SEC14L2: variants seen among roughly 807,000 people sequenced by gnomAD.
The protein encoded by SEC14L2 is SEC14 like lipid binding 2, also known as SEC14-like protein 2.
In SEC14L2, 50 loss-of-function variants were observed where a neutral mutation model predicts 56.9. The observed-to-expected ratio is 0.88, with a 90% CI of 0.70 to 1.11. SEC14L2 has a LOEUF of 1.11. Ranked by LOEUF, SEC14L2 falls within the 50% of genes most tolerant of loss-of-function variation. The pLI is 0.00. For synonymous variants in SEC14L2, 179 were observed against 188.5 expected, an observed-to-expected ratio of 0.95 and a Z score of 0.41; for missense variants, 414 against 500.7, an observed-to-expected ratio of 0.83 and a Z score of 1.65.
At position 30,410,668 on chromosome 22, in the gene SEC14L2, T is replaced by C. The variant is rs528880393; in HGVS notation, c.653T>C (p.Met218Thr). ...AGTGAGGACACTCGTAAGAAGATCATGGTCCTGGGAGGTAAGTGGTCCAGA... is the reference window on the plus strand; with the variant it reads ...AGTGAGGACACTCGTAAGAAGATCACGGTCCTGGGAGGTAAGTGGTCCAGA... The part of the protein sequence containing the change: ...FLSEDTRKKI[M>T]VLGANWKEVL... The change falls in exon 8 of 12, where the codon ATG (methionine) becomes ACG (threonine). Residue 218 changes from methionine (M) to threonine (T), a missense_variant. Met to Thr is a moderately conservative substitution (Grantham distance 81, BLOSUM62 -1). Transcript: ENST00000615189. 8.5e-5 allele frequency: 137 copies of C among 1,614,106 alleles called. 1 individual carries two copies. The South Asian group carries it at 1.4e-3, about 16-fold the overall frequency.
rs1276679024 is a variant in SEC14L2, at chr22:30,422,536, C to G, written c.*129C>G. The G allele has an allele frequency of 1.7e-6, 2 of 1,189,710 alleles. No individual in the cohort carries two copies. Among genetic ancestry groups the G allele is most frequent in the Non-Finnish European group, 2.3e-6 (2 of 855,086 alleles). 73.7% of individuals were successfully genotyped at this position (1,189,710 alleles called of 1,614,324 possible). A position where few individuals can be genotyped will look rare whatever the true frequency, so the allele number is the denominator to read the frequency against. On this transcript the variant is annotated 3_prime_UTR_variant, in exon 12 of 12. Transcript: ENST00000615189. ...CTGGAGGACAGACCTCAGGAGCTTTCATTTCAGTTAGGCAGAGGAAGAGCG... is the reference window on the plus strand; with the variant it reads ...CTGGAGGACAGACCTCAGGAGCTTTGATTTCAGTTAGGCAGAGGAAGAGCG...
At position 30,407,396 on chromosome 22, in the gene SEC14L2, C is replaced by G; in HGVS notation, c.235-19C>G. 3 of 1,609,272 alleles carry G rather than the reference C, an allele frequency of 1.9e-6. No homozygotes were observed. Among genetic ancestry groups the G allele is most frequent in the Non-Finnish European group, 2.6e-6 (3 of 1,176,240 alleles). On this transcript the variant is annotated intron_variant, in intron 4 of 11. Transcript: ENST00000615189. ...ATGGATGCCTGCTGACCAGGTGGCT[C>G]CTCTGTGTCTTTGCCCAGGTGATCC...
In SEC14L2 at chr22:30,423,885, C is replaced by CT. The variant is rs1349194506; in HGVS notation, c.*1478_*1479insT. ...CACCGCTAGGCTCCTCGCTGCCTCT[C>CT]ACTCAAGAGGCCCAAACTCAGACGG... On this transcript the variant is annotated 3_prime_UTR_variant, in exon 12 of 12. Transcript: ENST00000615189. The CT allele has an allele frequency of 1.3e-5, 2 of 152,306 alleles. No homozygotes were observed. The highest frequency in any genetic ancestry group is 2.9e-5 in the Non-Finnish European group (2 of 68,072). 9.4% of individuals were successfully genotyped at this position (152,306 alleles called of 1,614,324 possible).
chr22:30,410,957 C>G (rs537341395), intron 8 of SEC14L2, among the ~76,000 whole-genome samples: 2 of 152,318 alleles, frequency 1.3e-5, no homozygotes, highest in African/African-American at 4.8e-5. Context: ...TACAGTATAA[C>G]AGGAGACAGA....
chr22:30,407,705 G>T, intron 5 of SEC14L2, 102 bp downstream of exon 5: 3 of 1,002,480 alleles, frequency 3.0e-6, no homozygotes, highest in South Asian at 2.3e-5. Flanking sequence ...TCAGGGCCAA[G>T]GCCCAGCCTT....
At chr22:30,415,165 C>G (rs950261527) in intron 8 of SEC14L2, among the ~76,000 whole-genome samples, 8 of 152,170 alleles carry the variant, frequency 5.3e-5, no homozygotes, top group Non-Finnish European at 1.2e-4. Context: ...GGCGCAGTGG[C>G]TCATGCCTGT....
chr22:30,415,641 T>C, intron 8 of SEC14L2, 118 bp from the exon 9 acceptor site: 1 of 756,284 alleles, frequency 1.3e-6, no homozygotes, highest in East Asian at 2.7e-5. Flanking sequence ...TGAGGCGGGG[T>C]GTTGTGGGGT....
chr22:30,400,971 G>A (rs1296708418), intron 2 of SEC14L2, among the ~76,000 whole-genome samples: 20 of 139,624 alleles, frequency 1.4e-4, no homozygotes, highest in South Asian at 4.6e-4. Context: ...TAGGTTTCAC[G>A]TTGGCCAGGC....
rs1933873441 is a variant in SEC14L2 at position 30,399,746 on chromosome 22, G to A, written c.130+28G>A. 1.9e-6 allele frequency: 3 copies of A among 1,598,752 alleles called. No homozygotes were observed. The South Asian group carries it at 3.3e-5, about 18-fold the overall frequency. ...GAGGGAAGAGGGGCTGCGGGAGGCT[G>A]GGGCAGGGGCTTGTTCTGGGCAACA... On this transcript the variant is annotated intron_variant, in intron 2 of 11. Transcript: ENST00000615189.
chr22:30,397,291 G>A, intron 1 of SEC14L2, 121 bp downstream of exon 1: 1 of 927,132 alleles, frequency 1.1e-6, no homozygotes. Flanking sequence ...GGAGGGAACA[G>A]AGGCGGCTGT....
chr22:30,415,663 G>GT (rs1277368291), intron 8 of SEC14L2, 96 bp from the exon 9 acceptor site: 13 of 1,078,870 alleles, frequency 1.2e-5, no homozygotes, highest in African/African-American at 3.1e-5. Flanking sequence ...CAATGGATGG[G>GT]TTTTTTCTGC....
In SEC14L2 at chr22:30,397,125, C is replaced by G. The variant is rs1431256718; in HGVS notation, c.9C>G (p.Gly3=). ...CCCGCGGTTGAGCCACGATGAGCGG[C>G]AGAGTCGGCGATCTGAGCCCCAGGC... MS[G]RVGDLSPRQK... Residue 3 remains glycine, a synonymous_variant, in exon 1 of 12, where the codon GGC becomes GGG. Coordinates refer to ENST00000615189, the MANE Select transcript of SEC14L2 (RefSeq NM_012429.5). 1 of 1,548,306 alleles carries G rather than the reference C, an allele frequency of 6.5e-7. No individual in the cohort carries two copies. Among genetic ancestry groups the G allele is most frequent in the Admixed American group, 2.0e-5 (1 of 50,994 alleles).
intron 2 of SEC14L2, 102 bp downstream of exon 2, chr22:30,399,820 G>C (rs1933876203): frequency 1.7e-5 from 17 of 981,798 alleles, no homozygotes; most frequent in Non-Finnish European, 2.5e-5. Context: ...GGCATCTAGA[G>C]TGTCCAACCT....
chr22:30,401,644 G>C (rs1601770782), intron 2 of SEC14L2, among the ~76,000 whole-genome samples: 1 of 150,898 alleles, frequency 6.6e-6, no homozygotes, highest in Non-Finnish European at 1.5e-5. Context: ...CTCCCAAGTA[G>C]CTGGGATTAC....
chr22:30,416,657 C>T, intron 11 of SEC14L2: 1 of 1,429,970 alleles, frequency 7.0e-7, no homozygotes, highest in South Asian at 1.5e-5. Flanking sequence ...CCTAGGCGAT[C>T]ACAGGGGTTC....
At chr22:30,416,156 G>C in intron 10 of SEC14L2, 69 bp downstream of exon 10, 1 of 1,609,474 alleles carries the variant, frequency 6.2e-7, no homozygotes, top group South Asian at 1.1e-5. Flanking sequence ...GGCTGGAATA[G>C]GAGAAGCCCT....
chr22:30,420,159 G>A (rs9620984), intron 11 of SEC14L2, among the ~76,000 whole-genome samples: 25,156 of 151,904 alleles, frequency 0.17, 2,590 homozygotes, highest in South Asian at 0.4. Context: ...CTCCGTGTTC[G>A]TTAGGCTGGT....
intron 2 of SEC14L2, among the ~76,000 whole-genome samples, chr22:30,404,754 T>G (rs536018501): frequency 6.6e-6 from 1 of 152,068 alleles, no homozygotes; most frequent in African/African-American, 2.4e-5. Flanking sequence ...TCCACCTGAG[T>G]TAAGGGTGTT....
At position 30,407,509 on chromosome 22, in the gene SEC14L2, G is replaced by A. The variant is rs1482974093; in HGVS notation, c.329G>A (p.Gly110Asp). Reference protein sequence around the residue: ...YDIIGPLDAKGLLFSASKQDL... With the variant: ...YDIIGPLDAKDLLFSASKQDL... ...ATAATTGGACCTCTGGATGCCAAGG[G>A]TCTGCTGTTCTCAGCCTCCAAACAG... The change falls in exon 5 of 12, where the codon GGT becomes GAT. Residue 110 changes from glycine (G) to aspartate (D), a missense_variant. By Grantham distance (94) the Gly-to-Asp change is moderately conservative. Coordinates refer to ENST00000615189, the MANE Select transcript of SEC14L2 (RefSeq NM_012429.5). The A allele has an allele frequency of 6.2e-7, 1 of 1,614,030 alleles. No homozygotes were observed. Among genetic ancestry groups the A allele is most frequent in the Non-Finnish European group, 8.5e-7 (1 of 1,180,040 alleles).
Sources: gnomAD v4.1 joint callset for allele counts (sites outside exome capture counted in the v4.1 genomes callset) on GRCh38, gnomAD v4.1.1 for gene constraint, MANE v1.5 for transcripts, NCBI Gene and HGNC (gene_info 2026-07-23, HGNC 2026-07-21) for gene names.